Variants in PPP4R3C observed in about 807,000 individuals in gnomAD.
PPP4R3C encodes the protein protein phosphatase 4 regulatory subunit 3C.
For synonymous variants in PPP4R3C, 150 were observed against 86.5 expected (o/e 1.73, Z -4.07); for missense variants, 372 against 237.3 (o/e 1.57, Z -3.73).
In PPP4R3C at chrX:27,462,286, GA is replaced by G. The variant is rs774823546; in HGVS notation, c.1010del (p.Phe337SerfsTer23). On this transcript the variant is annotated frameshift_variant, in exon 1 of 1. Coordinates refer to ENST00000412172, the MANE Select transcript of PPP4R3C (RefSeq NM_207319.4). LOFTEE classifies it low-confidence loss of function (END_TRUNC). ...DDRRCELLFF[F>X]KELCSFSQAL... ...CCTGAGAAAATGAACATAACTCCTT[GA>G]AAAAAAATAGCAATTCACACCGTCT... 2 of 511,015 alleles carry G rather than the reference GA, an allele frequency of 3.9e-6. No individual in the cohort carries two copies. The highest frequency in any genetic ancestry group is 2.3e-5 in the African/African-American group (1 of 42,932). The allele number at this position is 511,015 out of a possible 1,213,427, so 42.1% of individuals were successfully genotyped here.
rs753219486 is a variant in PPP4R3C, at chrX:27,462,247, T to C, written c.1050A>G (p.Gln350=). Residue 350 remains glutamine (Q), a synonymous_variant, in exon 1 of 1, where the codon CAA becomes CAG. Transcript: ENST00000412172. ...LCSFSQALQP[Q]SKDALFETLI... is the part of the protein sequence containing the mutation. ...ACGTTTCAAATAGTGCATCCTTGCT[T>C]TGAGGCTGTAATGCCTGAGAAAATG... The C allele has an allele frequency of 1.9e-6, 1 of 513,049 alleles. No homozygotes were observed. The highest frequency in any genetic ancestry group is 2.7e-5 in the Admixed American group (1 of 37,575). 42.3% of individuals were successfully genotyped at this position (513,049 alleles called of 1,213,427 possible).
In PPP4R3C at chrX:27,461,323, C is replaced by A; in HGVS notation, c.1974G>T (p.Lys658Asn). 1.9e-6 allele frequency: 1 copy of A among 515,206 alleles called. No homozygotes were observed. The highest frequency in any genetic ancestry group is 3.5e-6 in the Non-Finnish European group (1 of 286,907). The allele number at this position is 515,206 out of a possible 1,213,427, so 42.5% of individuals were successfully genotyped here. Residue 658 changes from lysine (K) to asparagine (N), a missense_variant, in exon 1 of 1, where the codon AAG becomes AAT. Physicochemically the swap from Lys to Asn is moderately conservative, Grantham distance 94. Transcript: ENST00000412172. ...TATTTTGCAGTACAGAATGTAAATT[C>A]TTTTGTATTTGACTTTGTCTGTCTC... The part of the protein sequence containing the change: ...KERDRQSQIQ[K>N]NLHSVLQNIV...
Position 27,461,388 on chromosome X carries a change from G to C in PPP4R3C, c.1909C>G (p.Gln637Glu). ...TTAATCTTCAATCCTTTGAATGTCT[G>C]AACATATTCAATCGATTCAAGTGTG... Reference protein sequence around the residue: ...YNTLESIEYVQTFKGLKIKYE... With the variant: ...YNTLESIEYVETFKGLKIKYE... The change falls in exon 1 of 1, where the codon CAG (glutamine) becomes GAG (glutamate). Residue 637 changes from glutamine to glutamate, a missense_variant. Coordinates refer to ENST00000412172, the MANE Select transcript of PPP4R3C (RefSeq NM_207319.4). The C allele has an allele frequency of 1.9e-6, 1 of 514,843 alleles. No individual in the cohort carries two copies. Among genetic ancestry groups the C allele is most frequent in the Non-Finnish European group, 3.5e-6 (1 of 286,792 alleles). The allele number at this position is 514,843 out of a possible 1,213,427, so 42.4% of individuals were successfully genotyped here.
In PPP4R3C at chrX:27,461,074, T is replaced by A; in HGVS notation, c.2223A>T (p.Pro741=). Residue 741 remains proline (P), a synonymous_variant, in exon 1 of 1, where the codon CCA becomes CCT. Coordinates refer to ENST00000412172, the MANE Select transcript of PPP4R3C (RefSeq NM_207319.4). ...CCATAAATTCATCGTCATCTTCCAGTGGTGGCATAACTGCTTCTCCTTCTT... is the reference window on the plus strand; with the variant it reads ...CCATAAATTCATCGTCATCTTCCAGAGGTGGCATAACTGCTTCTCCTTCTT... ...THQEGEAVMP[P]LEDDDEFMET... 3.9e-6 allele frequency: 2 copies of A among 514,746 alleles called. No homozygotes were observed. The highest frequency in any genetic ancestry group is 7.0e-6 in the Non-Finnish European group (2 of 286,945). The allele number at this position is 514,746 out of a possible 1,213,427, so 42.4% of individuals were successfully genotyped here. A position where few individuals can be genotyped will look rare whatever the true frequency, so the allele number is the denominator to read the frequency against.
rs1184867956 is a variant in PPP4R3C at position 27,463,286 on chromosome X, A to T, written c.11T>A (p.Leu4Gln). The change falls in exon 1 of 1, where the codon CTG (leucine) becomes CAG (glutamine). Residue 4 changes from leucine to glutamine, a missense_variant. Physicochemically the swap from Leu to Gln is moderately radical, Grantham distance 113. Transcript: ENST00000412172. MAG[L>Q]RYSVKVYVLN... ...GACATAGACTTTTACACTGTACCTC[A>T]GGCCTGCCATAGCGTCCTCTGGCCT... 1 of 510,204 alleles carries T rather than the reference A, an allele frequency of 2.0e-6. No homozygotes were observed. Among genetic ancestry groups the T allele is most frequent in the Admixed American group, 2.6e-5 (1 of 37,768 alleles). 42.0% of individuals were successfully genotyped at this position (510,204 alleles called of 1,213,427 possible).
chrX:27,462,965 A>C lies in PPP4R3C; in HGVS notation c.332T>G (p.Val111Gly). 4 of 515,351 alleles carry C rather than the reference A, an allele frequency of 7.8e-6. No individual in the cohort carries two copies. The highest frequency in any genetic ancestry group is 1.4e-5 in the Non-Finnish European group (4 of 287,079). The allele number at this position is 515,351 out of a possible 1,213,427, so 42.5% of individuals were successfully genotyped here. A position where few individuals can be genotyped will look rare whatever the true frequency, so the allele number is the denominator to read the frequency against. Residue 111 changes from valine (V) to glycine (G), a missense_variant, in exon 1 of 1, where the codon GTG becomes GGG. Transcript: ENST00000412172. ...QGKDPSIQTT[V>G]NISDEPEEDF... ...TTCCTCTGGTTCATCTGAAATGTTC[A>C]CTGTGGTTTGGATAGACGGATCCTT... is the stretch of plus-strand genomic sequence containing the variant.
At position 27,462,685 on chromosome X, in the gene PPP4R3C, G is replaced by A. The variant is rs758617906; in HGVS notation, c.612C>T (p.Leu204=). 9.2e-6 allele frequency: 5 copies of A among 544,466 alleles called. No homozygotes were observed. The African/African-American group carries it at 1.1e-4, about 12-fold the overall frequency. The allele number at this position is 544,466 out of a possible 1,213,427, so 44.9% of individuals were successfully genotyped here. Residue 204 remains leucine (L), a synonymous_variant, in exon 1 of 1, where the codon CTC becomes CTT. Coordinates refer to ENST00000412172, the MANE Select transcript of PPP4R3C (RefSeq NM_207319.4). ...LYEIIKGILF[L]NEACLFEIMF... The stretch of plus-strand genomic sequence containing the variant: ...TTATCTCAAACAGACATGCCTCGTT[G>A]AGGAACAAAATTCCCTTAATAATTT...
In PPP4R3C at chrX:27,460,619, G is replaced by GT. The variant is rs200267671; in HGVS notation, c.*178dup. ...GTTTATCACCCAGGTTCTGGTTACT[G>GT]TTTTTTTTTAAGATTATGAGAAATT... is the stretch of plus-strand genomic sequence containing the variant. On this transcript the variant is annotated 3_prime_UTR_variant, in exon 1 of 1. Transcript: ENST00000412172. 650 of 307,029 alleles carry GT rather than the reference G, an allele frequency of 2.1e-3. 7 individuals carry two copies. The East Asian group carries it at 0.028, about 13-fold the overall frequency. The allele number at this position is 307,029 out of a possible 1,213,427, so 25.3% of individuals were successfully genotyped here.
rs781066252 is a variant in PPP4R3C at position 27,462,075 on chromosome X, C to G, written c.1222G>C (p.Val408Leu). The G allele has an allele frequency of 1.9e-6, 1 of 515,669 alleles. No homozygotes were observed. The highest frequency in any genetic ancestry group is 2.3e-5 in the African/African-American group (1 of 43,810). The allele number at this position is 515,669 out of a possible 1,213,427, so 42.5% of individuals were successfully genotyped here. A position where few individuals can be genotyped will look rare whatever the true frequency, so the allele number is the denominator to read the frequency against. ...ATGAAAAGGTCACTATCTTTGCACA[C>G]GTGAGCTTCTGAAATTATAAATTCT... is the stretch of plus-strand genomic sequence containing the variant. ...IREFIISEAHVCKDSDLFINV... is the reference protein window; with the variant it reads ...IREFIISEAHLCKDSDLFINV... The change falls in exon 1 of 1, where the codon GTG becomes CTG. Residue 408 changes from valine to leucine, a missense_variant. Val to Leu is a conservative substitution (Grantham distance 32). Coordinates refer to ENST00000412172, the MANE Select transcript of PPP4R3C (RefSeq NM_207319.4).
Position 27,462,553 on chromosome X carries a change from G to A in PPP4R3C, c.744C>T (p.Phe248=), listed in dbSNP as rs1296792012. Residue 248 remains phenylalanine, a synonymous_variant, in exon 1 of 1, where the codon TTC becomes TTT. Coordinates refer to ENST00000412172, the MANE Select transcript of PPP4R3C (RefSeq NM_207319.4). The part of the protein sequence containing the change: ...HRDFLTNDAK[F]KEVIPITNSE... ...AGTTAGTTATTGGTATAACTTCCTT[G>A]AACTTCGCATCGTTGGTCAAGAAGT... is the stretch of plus-strand genomic sequence containing the variant. 1.8e-6 allele frequency: 1 copy of A among 551,514 alleles called. No individual in the cohort carries two copies. The highest frequency in any genetic ancestry group is 3.3e-6 in the Non-Finnish European group (1 of 304,473). The allele number at this position is 551,514 out of a possible 1,213,427, so 45.5% of individuals were successfully genotyped here. A position where few individuals can be genotyped will look rare whatever the true frequency, so the allele number is the denominator to read the frequency against.
rs1222334388 is a variant in PPP4R3C, at chrX:27,461,970, T to A, written c.1327A>T (p.Thr443Ser). 1.9e-6 allele frequency: 1 copy of A among 521,866 alleles called. No homozygotes were observed. The highest frequency in any genetic ancestry group is 2.3e-5 in the African/African-American group (1 of 43,416). 43.0% of individuals were successfully genotyped at this position (521,866 alleles called of 1,213,427 possible). ...AGCATGTTGCGTGGATCAAGTAGAG[T>A]ATGCAGAACTACCATCAAATGAACA... ...GAVHLMVVLH[T>S]LLDPRNMLTT... The change falls in exon 1 of 1, where the codon ACT (threonine) becomes TCT (serine). Residue 443 changes from threonine (T) to serine (S), a missense_variant. Physicochemically the swap from Thr to Ser is moderately conservative, Grantham distance 58. Transcript: ENST00000412172.
In PPP4R3C at chrX:27,461,830, C is replaced by T. The variant is rs1048029557; in HGVS notation, c.1467G>A (p.Glu489=). 1.2e-5 allele frequency: 6 copies of T among 513,722 alleles called. No individual in the cohort carries two copies. The African/African-American group carries it at 1.4e-4, about 12-fold the overall frequency. The allele number at this position is 513,722 out of a possible 1,213,427, so 42.3% of individuals were successfully genotyped here. A position where few individuals can be genotyped will look rare whatever the true frequency, so the allele number is the denominator to read the frequency against. The part of the protein sequence containing the change: ...LAATSEHNCE[E]DDIAGYDKSK... ...TTTTGTCATATCCAGCTATATCATCCTCCTCACAGTTGTGTTCTGAGGTGG... is the reference window on the plus strand; with the variant it reads ...TTTTGTCATATCCAGCTATATCATCTTCCTCACAGTTGTGTTCTGAGGTGG... The change falls in exon 1 of 1, where the codon GAG becomes GAA. Residue 489 remains glutamate, a synonymous_variant. Transcript: ENST00000412172.
chrX:27,463,317 C>T lies in PPP4R3C; in HGVS notation c.-21G>A, dbSNP rs759791819. The T allele has an allele frequency of 1.6e-5, 8 of 493,796 alleles. No homozygotes were observed. The highest frequency in any genetic ancestry group is 3.6e-5 in the East Asian group (1 of 27,407). 40.7% of individuals were successfully genotyped at this position (493,796 alleles called of 1,213,427 possible). A position where few individuals can be genotyped will look rare whatever the true frequency, so the allele number is the denominator to read the frequency against. On this transcript the variant is annotated 5_prime_UTR_variant, in exon 1 of 1. Transcript: ENST00000412172. The stretch of plus-strand genomic sequence containing the variant: ...GCCATAGCGTCCTCTGGCCTCGCCC[C>T]GTCAGGTCTGTTCTCCACGGCACTG...
chrX:27,462,245 C>T lies in PPP4R3C; in HGVS notation c.1052G>A (p.Ser351Asn), dbSNP rs909685058. Residue 351 changes from serine to asparagine, a missense_variant, in exon 1 of 1, where the codon AGC (serine) becomes AAC (asparagine). Transcript: ENST00000412172. The part of the protein sequence containing the change: ...CSFSQALQPQ[S>N]KDALFETLIQ... ...CAACGTTTCAAATAGTGCATCCTTG[C>T]TTTGAGGCTGTAATGCCTGAGAAAA... is the stretch of plus-strand genomic sequence containing the variant. The T allele has an allele frequency of 1.6e-5, 8 of 512,756 alleles. No individual in the cohort carries two copies. Among genetic ancestry groups the T allele is most frequent in the Middle Eastern group, 6.3e-4 (2 of 3,198 alleles). The allele number at this position is 512,756 out of a possible 1,213,427, so 42.3% of individuals were successfully genotyped here. A position where few individuals can be genotyped will look rare whatever the true frequency, so the allele number is the denominator to read the frequency against.
Position 27,460,229 on chromosome X carries a change from T to TAATG in PPP4R3C, c.*565_*568dup, listed in dbSNP as rs1400000876. On this transcript the variant is annotated 3_prime_UTR_variant, in exon 1 of 1. Transcript: ENST00000412172. ...ACATTGTAAATCCAGCTTGCTTTTT[T>TAATG]AATGAATGAAAGTACACTCTGAAAG... 8.9e-6 allele frequency: 1 copy of TAATG among 112,416 alleles called. No homozygotes were observed. The highest frequency in any genetic ancestry group is 1.9e-5 in the Non-Finnish European group (1 of 53,339). The allele number at this position is 112,416 out of a possible 1,213,427, so 9.3% of individuals were successfully genotyped here.
At position 27,463,057 on chromosome X, in the gene PPP4R3C, C is replaced by T. The variant is rs781276374; in HGVS notation, c.240G>A (p.Leu80=). The change falls in exon 1 of 1, where the codon TTG becomes TTA. Residue 80 remains leucine (L), a synonymous_variant. Coordinates refer to ENST00000412172, the MANE Select transcript of PPP4R3C (RefSeq NM_207319.4). ...CGGCTGGGTCCTGGAATTTTAGCAC[C>T]AAACCCTGGTTCTCAGCTTCATACC... ...IVWYEAENQG[L]VLKFQDPAGC... 19 of 512,726 alleles carry T rather than the reference C, an allele frequency of 3.7e-5. No homozygotes were observed. In the South Asian group the frequency reaches 4.7e-4, roughly 13 times the overall value. 42.3% of individuals were successfully genotyped at this position (512,726 alleles called of 1,213,427 possible). A position where few individuals can be genotyped will look rare whatever the true frequency, so the allele number is the denominator to read the frequency against.
rs777070943 is a variant in PPP4R3C at position 27,460,636 on chromosome X, T to C, written c.*162A>G. On this transcript the variant is annotated 3_prime_UTR_variant, in exon 1 of 1. Coordinates refer to ENST00000412172, the MANE Select transcript of PPP4R3C (RefSeq NM_207319.4). ...TGGTTACTGTTTTTTTTTAAGATTA[T>C]GAGAAATTTTGTTTTTACAGAATTA... 2.2e-5 allele frequency: 7 copies of C among 315,088 alleles called. No individual in the cohort carries two copies. The highest frequency in any genetic ancestry group is 2.7e-5 in the Non-Finnish European group (5 of 183,020). The allele number at this position is 315,088 out of a possible 1,213,427, so 26.0% of individuals were successfully genotyped here. A position where few individuals can be genotyped will look rare whatever the true frequency, so the allele number is the denominator to read the frequency against.
In PPP4R3C at chrX:27,461,553, A is replaced by G. The variant is rs1720185154; in HGVS notation, c.1744T>C (p.Phe582Leu). ...YNNYIIKGNL[F>L]EPVVNALLDN... The stretch of plus-strand genomic sequence containing the variant: ...AGAAGAGCATTTACAACTGGCTCAA[A>G]AAGATTTCCCTTGATGATGTAATTA... The change falls in exon 1 of 1, where the codon TTT becomes CTT. Residue 582 changes from phenylalanine to leucine, a missense_variant. Transcript: ENST00000412172. 5.8e-6 allele frequency: 3 copies of G among 517,009 alleles called. No homozygotes were observed. Among genetic ancestry groups the G allele is most frequent in the Admixed American group, 5.3e-5 (2 of 37,678 alleles). 42.6% of individuals were successfully genotyped at this position (517,009 alleles called of 1,213,427 possible).
In PPP4R3C at chrX:27,462,734, G is replaced by A. The variant is rs770069804; in HGVS notation, c.563C>T (p.Thr188Ile). The A allele has an allele frequency of 3.5e-5, 18 of 517,899 alleles. No individual in the cohort carries two copies. The highest frequency in any genetic ancestry group is 9.8e-5 in the South Asian group (4 of 40,823). 42.7% of individuals were successfully genotyped at this position (517,899 alleles called of 1,213,427 possible). Residue 188 changes from threonine to isoleucine, a missense_variant, in exon 1 of 1, where the codon ACT (threonine) becomes ATT (isoleucine). Coordinates refer to ENST00000412172, the MANE Select transcript of PPP4R3C (RefSeq NM_207319.4). ...LFHTCENLEN[T>I]EGLHHLYEII... Reference sequence around the variant, plus strand: ...TTCATACAAATGGTGTAAACCTTCAGTATTCTCTAGATTTTCACAAGTGTG... The same window carrying A: ...TTCATACAAATGGTGTAAACCTTCAATATTCTCTAGATTTTCACAAGTGTG...
Sources: allele counts gnomAD v4.1 joint callset, GRCh38; gene constraint gnomAD v4.1.1; transcripts MANE v1.5; gene names NCBI Gene and HGNC (gene_info 2026-07-23, HGNC 2026-07-21).